Variants in OXR1 observed in about 807,000 individuals in gnomAD.
OXR1 encodes the protein oxidation resistance protein 1.
In OXR1, 41 loss-of-function variants were observed where a neutral mutation model predicts 104.6. That is an observed-to-expected ratio of 0.39 (90% CI 0.31 to 0.51). OXR1 has a LOEUF of 0.51. Ranked by LOEUF, OXR1 falls within the 20% of genes least tolerant of loss-of-function variation. The pLI is 0.77. For missense variants in OXR1, 955 were observed against 1,031.9 expected (o/e 0.93, Z 1.02); for synonymous variants, 348 against 348.4 (o/e 1.00, Z 0.01).
At chr8:106,703,244 C>T (rs191222527) in intron 8 of OXR1, among the ~76,000 whole-genome samples, 154 bp downstream of exon 8, 101 of 152,242 alleles carry the variant, frequency 6.6e-4, no homozygotes, top group African/African-American at 2.4e-3. Flanking sequence ...GAAGATTATT[C>T]TTAATTTGCA....
At chr8:106,412,442 T>C (rs1198273130) in intron 2 of OXR1, among the ~76,000 whole-genome samples, 2 of 152,124 alleles carry the variant, frequency 1.3e-5, no homozygotes, top group Admixed American at 6.6e-5. Flanking sequence ...TTCTTTAAAA[T>C]TGTCACCATA....
At chr8:106,487,943 T>A (rs1444966526) in intron 2 of OXR1, among the ~76,000 whole-genome samples, 3 of 151,008 alleles carry the variant, frequency 2.0e-5, no homozygotes, top group Non-Finnish European at 4.4e-5. Context: ...TACCCAGTAA[T>A]GGGATGGCTG....
chr8:106,542,432 C>T (rs1246684637), intron 3 of OXR1, among the ~76,000 whole-genome samples: 6 of 152,022 alleles, frequency 3.9e-5, no homozygotes, highest in Non-Finnish European at 8.8e-5. Context: ...GGCAGAGCTT[C>T]CTAAACATGA....
At chr8:106,487,064 C>A (rs1408965922) in intron 2 of OXR1, among the ~76,000 whole-genome samples, 2 of 148,880 alleles carry the variant, frequency 1.3e-5, no homozygotes, top group Admixed American at 1.3e-4. Context: ...CACTCTGTCA[C>A]CCAGGCTGGA....
rs144544841 is a variant in OXR1 at position 106,481,787 on chromosome 8, T to C, written c.24-37156T>C. 1.6e-4 allele frequency among the ~76,000 whole-genome samples: 24 copies of C among 152,184 alleles called. No homozygotes were observed. In the East Asian group the frequency reaches 4.3e-3, roughly 27 times the overall value. On this transcript the variant is annotated intron_variant, in intron 2 of 16. Coordinates refer to ENST00000517566, the MANE Select transcript of OXR1 (RefSeq NM_001198533.2). ...TAGTTTGATTCCTACTAGGTCGATA[T>C]TGTGTCTCAGAATTAAATTGTCCAT...
intron 6 of OXR1, among the ~76,000 whole-genome samples, chr8:106,689,373 C>G (rs1210796482): frequency 6.6e-6 from 1 of 151,946 alleles, no homozygotes; most frequent in African/African-American, 2.4e-5. Flanking sequence ...AAGGGCCCAC[C>G]CTACTCATGT....
intron 10 of OXR1, 105 bp from the exon 11 acceptor site, chr8:106,713,718 G>T: frequency 1.7e-6 from 1 of 599,548 alleles, no homozygotes; most frequent in Non-Finnish European, 2.8e-6. Context: ...TATATTTTGT[G>T]TATATTTTAA....
intron 2 of OXR1, among the ~76,000 whole-genome samples, chr8:106,457,663 ATC>A (rs386728576): frequency 1.5e-3 from 233 of 151,658 alleles, no homozygotes; most frequent in African/African-American, 5.4e-3. Context: ...GGAAACCTAA[ATC>A]TTCTTAGGGA....
chr8:106,449,453 T>G (rs532402005), intron 2 of OXR1, among the ~76,000 whole-genome samples: 1 of 152,338 alleles, frequency 6.6e-6, no homozygotes, highest in South Asian at 2.1e-4. Flanking sequence ...TATTGTTGAA[T>G]GTAGGCTACA....
At chr8:106,329,814 T>A (rs569306173) in intron 1 of OXR1, among the ~76,000 whole-genome samples, 1 of 151,932 alleles carries the variant, frequency 6.6e-6, no homozygotes, top group African/African-American at 2.4e-5. Flanking sequence ...TGGGTGTGAG[T>A]GTGTATCCAG....
rs776324737 is a variant in OXR1, at chr8:106,679,206, C to G, written c.221-4C>G. ...TTAATAGGAATTTTGCCTTTTTTTC[C>G]CAGACACTGGCCAAAAGAAGACCCT... On this transcript the variant is annotated splice_region_variant and splice_polypyrimidine_tract_variant and intron_variant, in intron 3 of 16. Coordinates refer to ENST00000517566, the MANE Select transcript of OXR1 (RefSeq NM_001198533.2). 2 of 1,596,660 alleles carry G rather than the reference C, an allele frequency of 1.3e-6. No individual in the cohort carries two copies. Among genetic ancestry groups the G allele is most frequent in the Non-Finnish European group, 1.7e-6 (2 of 1,168,910 alleles).
chr8:106,339,511 AAAAAAAAAATATAT>A (rs1289149429), intron 1 of OXR1, among the ~76,000 whole-genome samples: 5 of 43,082 alleles, frequency 1.2e-4, no homozygotes, highest in African/African-American at 7.7e-4. Flanking sequence ...AAAAAAAAAA[AAAAAAAAAATATAT>A]ATATATATAT....
intron 2 of OXR1, among the ~76,000 whole-genome samples, chr8:106,382,747 C>G (rs890018138): frequency 7.9e-6 from 1 of 125,910 alleles, no homozygotes; most frequent in Non-Finnish European, 1.6e-5. Flanking sequence ...GGGCTATATA[C>G]TAGGCACTGT....
At chr8:106,748,680 T>G (rs1261557364) in intron 16 of OXR1, among the ~76,000 whole-genome samples, 1 of 146,254 alleles carries the variant, frequency 6.8e-6, no homozygotes, top group Non-Finnish European at 1.5e-5. Context: ...ATGATTCCCC[T>G]GCCTCAGCCT....
At chr8:106,325,533 AG>A (rs1050431112) in intron 1 of OXR1, among the ~76,000 whole-genome samples, 1 of 152,186 alleles carries the variant, frequency 6.6e-6, no homozygotes, top group Admixed American at 6.5e-5. Context: ...TCTATGACCT[AG>A]GGTTGCTGTG....
At chr8:106,662,824 C>G (rs906188460) in intron 3 of OXR1, among the ~76,000 whole-genome samples, 1 of 150,848 alleles carries the variant, frequency 6.6e-6, no homozygotes, top group Non-Finnish European at 1.5e-5. Flanking sequence ...GGGGTAATGT[C>G]TATTTCAGTA....
chr8:106,669,292 T>G (rs938014771), intron 3 of OXR1, among the ~76,000 whole-genome samples: 2 of 152,130 alleles, frequency 1.3e-5, no homozygotes. Flanking sequence ...GATATTACAA[T>G]ACATTGTGGA....
In OXR1 at chr8:106,453,176, C is replaced by T. The variant is rs180700112; in HGVS notation, c.24-65767C>T. Among the ~76,000 whole-genome samples the T allele has an allele frequency of 3.9e-3, 587 of 152,268 alleles. 3 individuals are homozygous for T. The highest frequency in any genetic ancestry group is 0.013 in the African/African-American group (554 of 41,552). On this transcript the variant is annotated intron_variant, in intron 2 of 16. Coordinates refer to ENST00000517566, the MANE Select transcript of OXR1 (RefSeq NM_001198533.2). ...CCATCTCCAGTGGTGCTGTGCACTT[C>T]GAGCTCACCCAGTTGGCTTTACTGC... is the stretch of plus-strand genomic sequence containing the variant.
At chr8:106,645,481 T>C (rs1436336303) in intron 3 of OXR1, among the ~76,000 whole-genome samples, 1 of 152,154 alleles carries the variant, frequency 6.6e-6, no homozygotes, top group African/African-American at 2.4e-5. Flanking sequence ...AGATTTGAGT[T>C]TTGAATCTGG....
Sources: gnomAD v4.1 joint callset for allele counts (sites outside exome capture counted in the v4.1 genomes callset) on GRCh38, gnomAD v4.1.1 for gene constraint, MANE v1.5 for transcripts, NCBI Gene and HGNC (gene_info 2026-07-23, HGNC 2026-07-21) for gene names.